CABLES2: variants seen among roughly 807,000 people sequenced by gnomAD.
The protein encoded by CABLES2 is CDK5 and ABL1 enzyme substrate 2.
Under a neutral mutation model 44.8 loss-of-function variants are expected in CABLES2, and 35 were observed. The observed-to-expected ratio is 0.78, with a 90% confidence interval of 0.60 to 1.04. The LOEUF (loss-of-function observed/expected upper bound fraction) is 1.04, where lower values mean the gene tolerates loss of function less well. Ranked by LOEUF, CABLES2 falls within the 50% of genes least tolerant of loss-of-function variation. CABLES2 has a pLI of 0.00. For synonymous variants in CABLES2, 282 were observed against 281.1 expected (o/e 1.00, Z -0.03); for missense variants, 566 against 615.7 (o/e 0.92, Z 0.85).
intron 5 of CABLES2, 113 bp downstream of exon 5, chr20:62,394,044 C>A: frequency 1.2e-6 from 1 of 847,462 alleles, no homozygotes; most frequent in Non-Finnish European, 2.0e-6. Context: ...TTGCGTTTTA[C>A]GTGGAGTGAA....
chr20:62,394,669 G>A (rs1987983369), intron 4 of CABLES2, among the ~76,000 whole-genome samples: 2 of 152,178 alleles, frequency 1.3e-5, no homozygotes, highest in Admixed American at 1.3e-4. Flanking sequence ...AGCACCAAGT[G>A]GCTCTGTCCA....
chr20:62,396,307 C>T lies in CABLES2; in HGVS notation c.527+8G>A, dbSNP rs755252869. 2.5e-6 allele frequency: 4 copies of T among 1,613,134 alleles called. No homozygotes were observed. Among genetic ancestry groups the T allele is most frequent in the Non-Finnish European group, 3.4e-6 (4 of 1,179,298 alleles). On this transcript the variant is annotated splice_region_variant and intron_variant, in intron 3 of 9. Transcript: ENST00000279101. This position sits in a 1 kb window ranked among gnomAD's most constrained non-coding sequence, Gnocchi z 5.7. ...AGCCCTGGCCCGGTTCCCGGCTCCG[C>T]TTCATACCTGCTGTTCCTGGTGTCG...
At chr20:62,397,765 G>A (rs1033269812) in intron 1 of CABLES2, among the ~76,000 whole-genome samples, 1 of 152,122 alleles carries the variant, frequency 6.6e-6, no homozygotes, top group African/African-American at 2.4e-5. Context: ...TTGATACAAC[G>A]TTGCAGTATT....
rs1325950347 is a variant in CABLES2, at chr20:62,394,829, C to T, written c.605+108G>A. 13 of 979,472 alleles carry T rather than the reference C, an allele frequency of 1.3e-5. No homozygotes were observed. The Admixed American group carries it at 1.6e-4, about 12-fold the overall frequency. 60.7% of individuals were successfully genotyped at this position (979,472 alleles called of 1,614,324 possible). A position where few individuals can be genotyped will look rare whatever the true frequency, so the allele number is the denominator to read the frequency against. On this transcript the variant is annotated intron_variant, in intron 4 of 9. Transcript: ENST00000279101. ...AGCCTCGCATGAGCCCGGGGGCAGC[C>T]GCACCTGGGGGCGCAGTGCCCGCTG...
In CABLES2 at chr20:62,398,064, G is replaced by A. The variant is rs1457208334; in HGVS notation, c.363-1472C>T. On this transcript the variant is annotated intron_variant, in intron 1 of 9. Coordinates refer to ENST00000279101, the MANE Select transcript of CABLES2 (RefSeq NM_031215.3). ...GGTGATGGTGGTGATGGCGATGGTG[G>A]TGGTGACGGTGGTGGTGGTGGTGAC... Among the ~76,000 whole-genome samples the A allele has an allele frequency of 4.3e-4, 37 of 85,210 alleles. No individual in the cohort carries two copies. The East Asian group carries it at 0.012, about 27-fold the overall frequency. 55.9% of individuals were successfully genotyped at this position (85,210 alleles called of 152,430 possible). A position where few individuals can be genotyped will look rare whatever the true frequency, so the allele number is the denominator to read the frequency against.
At chr20:62,397,928 G>GGTGGTGGTGATGGCA (rs1988053933) in intron 1 of CABLES2, among the ~76,000 whole-genome samples, 1 of 50,160 alleles carries the variant, frequency 2.0e-5, no homozygotes, top group Admixed American at 2.7e-4. Context: ...TGGTGATGGT[G>GGTGGTGGTGATGGCA]GTGGTGGTGA....
Position 62,407,073 on chromosome 20 carries a change from T to TCCGCCCGGGCCCAGGCTCGGGGG in CABLES2, c.181_203dup (p.Glu69ProfsTer98), listed in dbSNP as rs1954716410. Reference sequence around the variant, plus strand: ...CGGCGGGCGGCGGCGGGGGCTTCTCTCCGCCCGGGCCCAGGCTCGGGGGCC... The same window carrying TCCGCCCGGGCCCAGGCTCGGGGG: ...CGGCGGGCGGCGGCGGGGGCTTCTCTCCGCCCGGGCCCAGGCTCGGGGGCCGCCCGGGCCCAGGCTCGGGGGCC... On this transcript the variant is annotated frameshift_variant, in exon 1 of 10. Transcript: ENST00000279101. LOFTEE classifies it high-confidence loss of function. The TCCGCCCGGGCCCAGGCTCGGGGG allele has an allele frequency of 1.9e-6, 2 of 1,068,772 alleles. No individual in the cohort carries two copies. The highest frequency in any genetic ancestry group is 2.3e-6 in the Non-Finnish European group (2 of 883,842). 66.2% of individuals were successfully genotyped at this position (1,068,772 alleles called of 1,614,324 possible).
intron 1 of CABLES2, chr20:62,402,720 A>C (rs1352905209): frequency 1.3e-5 from 2 of 152,356 alleles, no homozygotes; most frequent in Admixed American, 6.5e-5. Context: ...AAAGCGCCCA[A>C]GTCCAGCACT....
chr20:62,398,176 T>TGGTGGTGGTGAC lies in CABLES2; in HGVS notation c.363-1585_363-1584insGTCACCACCACC, dbSNP rs1473480754. Among the ~76,000 whole-genome samples the TGGTGGTGGTGAC allele has an allele frequency of 3.2e-3, 324 of 101,296 alleles. 8 individuals are homozygous for TGGTGGTGGTGAC. The highest frequency in any genetic ancestry group is 0.014 in the African/African-American group (293 of 21,640). 66.5% of individuals were successfully genotyped at this position (101,296 alleles called of 152,430 possible). Reference sequence around the variant, plus strand: ...GTGGTGACGGTGATGGTGGTAATGGTGGTGGTGGTGATGGTGATGATGGTG... The same window carrying TGGTGGTGGTGAC: ...GTGGTGACGGTGATGGTGGTAATGGTGGTGGTGGTGACGGTGGTGGTGATGGTGATGATGGTG... On this transcript the variant is annotated intron_variant, in intron 1 of 9. Transcript: ENST00000279101.
At chr20:62,394,360 G>A (rs1054007952) in intron 4 of CABLES2, 95 bp from the exon 5 acceptor site, 2 of 934,322 alleles carry the variant, frequency 2.1e-6, no homozygotes. Context: ...GTGCTCTCGG[G>A]AACAATGTCA....
intron 4 of CABLES2, among the ~76,000 whole-genome samples, chr20:62,394,512 C>A (rs1432678206): frequency 6.6e-6 from 1 of 152,198 alleles, no homozygotes; most frequent in Non-Finnish European, 1.5e-5. Flanking sequence ...GTGGCGCCCA[C>A]CTTCACTAGC....
At position 62,392,418 on chromosome 20, in the gene CABLES2, A is replaced by G. The variant is rs772369022; in HGVS notation, c.1062T>C (p.His354=). 17 of 1,614,034 alleles carry G rather than the reference A, an allele frequency of 1.1e-5. 1 individual carries two copies. The South Asian group carries it at 1.8e-4, about 17-fold the overall frequency. ...MNETFREKFP[H]VKLTLSKIRS... is the part of the protein sequence containing the mutation. ...TGATTTTGCTCAGCGTCAGTTTGAC[A>G]TGGGGGAACTTCTCCCTGAAGGTCT... Residue 354 remains histidine (H), a synonymous_variant, in exon 8 of 10, where the codon CAT becomes CAC. Coordinates refer to ENST00000279101, the MANE Select transcript of CABLES2 (RefSeq NM_031215.3).
At position 62,391,332 on chromosome 20, in the gene CABLES2, T is replaced by A. The variant is rs755750542; in HGVS notation, c.1213A>T (p.Lys405Ter). The A allele has an allele frequency of 6.2e-7, 1 of 1,613,352 alleles. No homozygotes were observed. Among genetic ancestry groups the A allele is most frequent in the Non-Finnish European group, 8.5e-7 (1 of 1,180,020 alleles). ...LQGKLSKQNR[K>*]LCAGACVLLA... is the part of the protein sequence containing the mutation. ...AGCACGCAGGCGCCAGCGCACAGCT[T>A]GCGGTTCTGTTTGCTGAGCTTGCCC... is the stretch of plus-strand genomic sequence containing the variant. Residue 405 changes from lysine (K) to a stop codon, truncating the protein, a stop_gained, in exon 9 of 10, where the codon AAG becomes TAG. Coordinates refer to ENST00000279101, the MANE Select transcript of CABLES2 (RefSeq NM_031215.3). LOFTEE classifies it high-confidence loss of function. The surrounding 1 kb of genome is among the most constrained non-coding windows in gnomAD (Gnocchi z 5.7).
At chr20:62,398,009 T>A (rs60173685) in intron 1 of CABLES2, among the ~76,000 whole-genome samples, 1 of 84,026 alleles carries the variant, frequency 1.2e-5, no homozygotes, top group Admixed American at 1.2e-4. Context: ...TGGTGATGGT[T>A]ATGGCGGTGG....
rs2146421637 is a variant in CABLES2 at position 62,396,276 on chromosome 20, G to T, written c.527+39C>A. 1 of 1,563,766 alleles carries T rather than the reference G, an allele frequency of 6.4e-7. No individual in the cohort carries two copies. The highest frequency in any genetic ancestry group is 1.1e-5 in the South Asian group (1 of 90,118). ...GGGCAGGACCCCGTGGGCTTATGGA[G>T]ACCACAGCCCTGGCCCGGTTCCCGG... On this transcript the variant is annotated intron_variant, in intron 3 of 9. Coordinates refer to ENST00000279101, the MANE Select transcript of CABLES2 (RefSeq NM_031215.3). The surrounding 1 kb of genome is among the most constrained non-coding windows in gnomAD (Gnocchi z 5.7).
In CABLES2 at chr20:62,391,078, C is replaced by T. The variant is rs756336623; in HGVS notation, c.1330G>A (p.Asp444Asn). 1.5e-5 allele frequency: 24 copies of T among 1,614,006 alleles called. No individual in the cohort carries two copies. The highest frequency in any genetic ancestry group is 1.3e-4 in the East Asian group (6 of 44,898). ...LEERFRFNRR[D>N]LIGFEFTVLV... ...ACTGTGAACTCAAACCCTATCAGGT[C>T]GCGCCTGTTGAATCGAAACCTTTCT... The change falls in exon 10 of 10, where the codon GAC becomes AAC. Residue 444 changes from aspartate (D) to asparagine (N), a missense_variant. By Grantham distance (23) the Asp-to-Asn change is conservative. Coordinates refer to ENST00000279101, the MANE Select transcript of CABLES2 (RefSeq NM_031215.3). This position sits in a 1 kb window ranked among gnomAD's most constrained non-coding sequence, Gnocchi z 5.7.
At position 62,396,734 on chromosome 20, in the gene CABLES2, GC is replaced by G; in HGVS notation, c.363-143del. On this transcript the variant is annotated intron_variant, in intron 1 of 9. Coordinates refer to ENST00000279101, the MANE Select transcript of CABLES2 (RefSeq NM_031215.3). The surrounding 1 kb of genome is among the most constrained non-coding windows in gnomAD (Gnocchi z 5.7). ...ACCCATGGGCCGAGGGGCTTCCAGA[GC>G]CCATGCAGACTGAGGCGGGGAGGAG... 2.5e-6 allele frequency: 2 copies of G among 813,338 alleles called. No homozygotes were observed. Among genetic ancestry groups the G allele is most frequent in the Non-Finnish European group, 3.9e-6 (2 of 509,630 alleles). 50.4% of individuals were successfully genotyped at this position (813,338 alleles called of 1,614,324 possible).
chr20:62,392,860 GC>G (rs1987944697), intron 7 of CABLES2, 59 bp downstream of exon 7: 7 of 1,473,770 alleles, frequency 4.7e-6, no homozygotes, highest in Admixed American at 1.7e-5. Flanking sequence ...TGCCCCACAC[GC>G]CCCGAGCCAG....
intron 4 of CABLES2, among the ~76,000 whole-genome samples, chr20:62,394,719 G>A (rs1201933641): frequency 6.6e-6 from 1 of 152,224 alleles, no homozygotes; most frequent in African/African-American, 2.4e-5. Context: ...CATCGACAGC[G>A]TGAACAGAAA....
Sources: allele counts gnomAD v4.1 joint callset (sites outside exome capture counted in the v4.1 genomes callset), GRCh38; gene constraint gnomAD v4.1.1; non-coding constraint Gnocchi (gnomAD v3.1); transcripts MANE v1.5; gene names NCBI Gene and HGNC (gene_info 2026-07-23, HGNC 2026-07-21).